TPRG1: variants seen among roughly 807,000 people sequenced by gnomAD.
TPRG1 encodes the protein tumor protein p63 regulated 1, also known as tumor protein p63-regulated gene 1 protein.
TPRG1 carries 29 observed loss-of-function variants against 29.3 expected under a neutral mutation model. The ratio of observed to expected loss-of-function variants is 0.99; its 90% CI spans 0.74 to 1.35. The LOEUF is 1.35. Among genes scored for constraint, TPRG1 ranks in the 40% most tolerant of loss-of-function variants. The probability of loss-of-function intolerance (pLI) is 0.00; values close to 1 mark genes in which losing one functional copy is unlikely to be tolerated. For synonymous variants in TPRG1, 130 were observed against 116.8 expected (o/e 1.11, Z -0.73); for missense variants, 327 against 335.0 (o/e 0.98, Z 0.19).
At chr3:189,088,853 A>G (rs1186158758) in intron 4 of TPRG1, among the ~76,000 whole-genome samples, 1 of 152,174 alleles carries the variant, frequency 6.6e-6, no homozygotes, top group African/African-American at 2.4e-5. Flanking sequence ...TTTTTCGTAC[A>G]TCAAACTTTT....
intron 4 of TPRG1, among the ~76,000 whole-genome samples, chr3:189,306,767 G>A (rs1721693093): frequency 1.3e-5 from 2 of 152,226 alleles, no homozygotes; most frequent in South Asian, 4.2e-4. Flanking sequence ...TATGCTGGTG[G>A]GACAGTGCCT....
chr3:189,257,994 A>G (rs554505445), intron 4 of TPRG1, among the ~76,000 whole-genome samples: 5 of 152,262 alleles, frequency 3.3e-5, no homozygotes, highest in South Asian at 2.1e-4. Flanking sequence ...TCTGAAGCCT[A>G]CTTCTGTCAA....
intron 4 of TPRG1, among the ~76,000 whole-genome samples, chr3:189,074,529 G>A (rs1717016355): frequency 6.6e-6 from 1 of 151,552 alleles, no homozygotes; most frequent in African/African-American, 2.4e-5. Flanking sequence ...TTTTACGTTT[G>A]GAAACTCTTT....
At chr3:189,078,017 TTCC>T (rs1717297400) in intron 4 of TPRG1, among the ~76,000 whole-genome samples, 1 of 136,686 alleles carries the variant, frequency 7.3e-6, no homozygotes, top group South Asian at 2.4e-4. Flanking sequence ...TTTTCCTTCC[TTCC>T]TTCCTTCCTT....
At chr3:189,183,869 A>C (rs912025852) in intron 1 of TPRG1, among the ~76,000 whole-genome samples, 1 of 151,302 alleles carries the variant, frequency 6.6e-6, no homozygotes, top group East Asian at 1.9e-4. Context: ...CTGAGGGGAC[A>C]TACATCCTCC....
chr3:189,237,637 C>T (rs143816941), intron 3 of TPRG1, among the ~76,000 whole-genome samples: 3 of 152,114 alleles, frequency 2.0e-5, no homozygotes, highest in Non-Finnish European at 4.4e-5. Context: ...ATTATACAGG[C>T]GTGTAGTCCA....
chr3:189,007,391 G>C (rs1220302043), intron 3 of TPRG1, among the ~76,000 whole-genome samples: 1 of 151,914 alleles, frequency 6.6e-6, no homozygotes, highest in East Asian at 1.9e-4. Flanking sequence ...AAAAAGTCAG[G>C]AAACAACAGG....
intron 3 of TPRG1, among the ~76,000 whole-genome samples, chr3:189,019,246 T>A (rs1161316991): frequency 6.6e-6 from 1 of 152,030 alleles, no homozygotes; most frequent in African/African-American, 2.4e-5. Flanking sequence ...CTAATTGCCC[T>A]GGCCAGAACT....
intron 1 of TPRG1, among the ~76,000 whole-genome samples, chr3:189,177,418 G>A (rs1475307659): frequency 6.6e-6 from 1 of 151,172 alleles, no homozygotes; most frequent in Non-Finnish European, 1.5e-5. Flanking sequence ...GCATATATAT[G>A]TCTATACATA....
At chr3:189,195,862 C>T (rs1431004291) in intron 1 of TPRG1, among the ~76,000 whole-genome samples, 1 of 152,144 alleles carries the variant, frequency 6.6e-6, no homozygotes, top group Non-Finnish European at 1.5e-5. Flanking sequence ...CGTAACAATC[C>T]CAAATTTCTG....
chr3:189,294,121 CAT>C (rs1326153272), intron 4 of TPRG1, among the ~76,000 whole-genome samples: 1 of 152,188 alleles, frequency 6.6e-6, no homozygotes, highest in Admixed American at 6.5e-5. Context: ...GTATACAAAA[CAT>C]GTGAATGTCT....
intron 4 of TPRG1, among the ~76,000 whole-genome samples, chr3:189,281,934 G>A (rs919199595): frequency 6.6e-6 from 1 of 151,918 alleles, no homozygotes; most frequent in Admixed American, 6.6e-5. Flanking sequence ...AGGCTAGAGT[G>A]CAGTGGCATG....
At chr3:189,090,726 C>T (rs1386143785) in intron 4 of TPRG1, among the ~76,000 whole-genome samples, 1 of 151,978 alleles carries the variant, frequency 6.6e-6, no homozygotes. Context: ...CTATGTATCT[C>T]TTTAATGTTT....
rs76366187 is a variant in TPRG1, at chr3:189,044,694, G to C, written c.-463+20748G>C. ...AAGGGGAACTATGATGTACAGCAAA[G>C]AGCAATGGCCTAAGTTGCATGAGGC... On this transcript the variant is annotated intron_variant, in intron 4 of 10. Coordinates refer to the TPRG1 transcript ENST00000433971. Among the ~76,000 whole-genome samples, 88 of 152,286 alleles carry C rather than the reference G, an allele frequency of 5.8e-4. 1 individual carries two copies. The highest frequency in any genetic ancestry group is 2.1e-3 in the African/African-American group (86 of 41,552).
intron 4 of TPRG1, among the ~76,000 whole-genome samples, chr3:189,086,493 G>A (rs1011267201): frequency 1.3e-5 from 2 of 151,614 alleles, no homozygotes; most frequent in African/African-American, 4.9e-5. Context: ...CCAAAATTCT[G>A]GGACTGCAGG....
chr3:189,137,920 C>A (rs1434380156), intron 3 of TPRG1, among the ~76,000 whole-genome samples: 2 of 152,040 alleles, frequency 1.3e-5, no homozygotes, highest in African/African-American at 4.8e-5. Context: ...TATTTTTAAG[C>A]TGGAAGATGT....
intron 3 of TPRG1, among the ~76,000 whole-genome samples, chr3:189,023,003 G>C (rs565325111): frequency 1.3e-5 from 2 of 152,298 alleles, no homozygotes; most frequent in African/African-American, 2.4e-5. Context: ...GGTGCCGTCC[G>C]TCACCCCTTT....
intron 4 of TPRG1, chr3:189,310,179 T>C: frequency 2.8e-6 from 1 of 363,368 alleles, no homozygotes; most frequent in Non-Finnish European, 5.0e-6. Flanking sequence ...CATTTCCAAG[T>C]AGGTGTTTCC....
chr3:189,308,497 G>T (rs572752851), intron 4 of TPRG1, among the ~76,000 whole-genome samples: 12 of 152,216 alleles, frequency 7.9e-5, no homozygotes, highest in Non-Finnish European at 1.5e-4. Context: ...CCCTTGGAGT[G>T]ATAACTTAGC....
Sources: gnomAD v4.1 joint callset for allele counts (sites outside exome capture counted in the v4.1 genomes callset) on GRCh38, gnomAD v4.1.1 for gene constraint, MANE v1.5 for transcripts, NCBI Gene and HGNC (gene_info 2026-07-23, HGNC 2026-07-21) for gene names.